The following GGH variants were observed in gnomAD, a reference collection of about 807,000 sequenced individuals.
GGH encodes the protein gamma-glutamyl hydrolase, also known as gamma-Glu-X carboxypeptidase.
Under a neutral mutation model 39.2 loss-of-function variants are expected in GGH, and 18 were observed. The ratio of observed to expected loss-of-function variants is 0.46; its 90% CI spans 0.32 to 0.68. The LOEUF is 0.68. Among genes scored for constraint, GGH ranks in the 30% least tolerant of loss-of-function variants. The pLI, the probability that GGH is intolerant of heterozygous loss-of-function variation, is 0.04. For missense variants in GGH, 367 were observed against 384.1 expected, an observed-to-expected ratio of 0.96 and a Z score of 0.37; for synonymous variants, 147 against 138.8, an observed-to-expected ratio of 1.06 and a Z score of -0.42.
rs765582208 is a variant in GGH at position 63,023,928 on chromosome 8, C to T, written c.676G>A (p.Glu226Lys). The T allele has an allele frequency of 5.7e-6, 9 of 1,581,206 alleles. No homozygotes were observed. Among genetic ancestry groups the T allele is most frequent in the Non-Finnish European group, 6.0e-6 (7 of 1,157,040 alleles). ...ATACCTTCCATTGTTGAAATAAACTCAATCTTGCCATCTGTATTTGTAGTT... is the reference window on the plus strand; with the variant it reads ...ATACCTTCCATTGTTGAAATAAACTTAATCTTGCCATCTGTATTTGTAGTT... The part of the protein sequence containing the change: ...VLTTNTDGKI[E>K]FISTMEGYKY... Residue 226 changes from glutamate to lysine, a missense_variant, in exon 7 of 9, where the codon GAG (glutamate) becomes AAG (lysine). Coordinates refer to ENST00000260118, the MANE Select transcript of GGH (RefSeq NM_003878.3).
chr8:63,032,377 T>A (rs914686421), intron 2 of GGH, among the ~76,000 whole-genome samples: 17 of 152,106 alleles, frequency 1.1e-4, no homozygotes, highest in Admixed American at 2.0e-4. Context: ...AACACGTTTT[T>A]AAACCAAAAG....
At chr8:63,036,203 A>G (rs766083353) in intron 1 of GGH, among the ~76,000 whole-genome samples, 2 of 152,172 alleles carry the variant, frequency 1.3e-5, no homozygotes, top group Non-Finnish European at 2.9e-5. Flanking sequence ...CAAGCTATCA[A>G]TATCTACCCT....
chr8:63,034,619 G>T (rs1402701722), intron 2 of GGH, among the ~76,000 whole-genome samples: 1 of 152,066 alleles, frequency 6.6e-6, no homozygotes, highest in African/African-American at 2.4e-5. Flanking sequence ...AATATGGGAA[G>T]AATTCAGTTC....
chr8:63,036,515 T>C (rs1294704284), intron 1 of GGH, among the ~76,000 whole-genome samples: 2 of 151,912 alleles, frequency 1.3e-5, no homozygotes, highest in Non-Finnish European at 2.9e-5. Context: ...AAAGGCATAA[T>C]ATATAGAGTG....
chr8:63,031,694 T>C (rs1197180199), intron 2 of GGH, among the ~76,000 whole-genome samples: 1 of 152,190 alleles, frequency 6.6e-6, no homozygotes, highest in Non-Finnish European at 1.5e-5. Context: ...CATTTATCTC[T>C]ATTAAGAGAC....
At chr8:63,026,128 T>C in intron 5 of GGH, 30 bp downstream of exon 5, 1 of 1,522,526 alleles carries the variant, frequency 6.6e-7, no homozygotes, top group Non-Finnish European at 8.8e-7. Context: ...CAGCAAATAT[T>C]TTTCAAAGGG....
At chr8:63,035,912 T>C in intron 1 of GGH, 142 bp from the exon 2 acceptor site, 1 of 765,468 alleles carries the variant, frequency 1.3e-6, no homozygotes. Context: ...AGTCCACCCA[T>C]AGCCTATGGG....
rs554723676 is a variant in GGH at position 63,026,116 on chromosome 8, C to A, written c.499+42G>T. ...TCATATTTGCTACTTACTAATCCTG[C>A]CCAGCAAATATTTTTCAAAGGGTTG... On this transcript the variant is annotated intron_variant, in intron 5 of 8. Transcript: ENST00000260118. The A allele has an allele frequency of 1.7e-5, 26 of 1,490,850 alleles. No homozygotes were observed. The South Asian group carries it at 3.1e-4, about 18-fold the overall frequency. The allele number at this position is 1,490,850 out of a possible 1,614,324, so 92.4% of individuals were successfully genotyped here.
chr8:63,028,728 G>GA (rs2129664582), intron 3 of GGH, among the ~76,000 whole-genome samples: 2 of 152,284 alleles, frequency 1.3e-5, no homozygotes, highest in African/African-American at 4.8e-5. Context: ...GAGGAAGATA[G>GA]AAAATGGACT....
At chr8:63,031,860 T>C (rs1804812236) in intron 2 of GGH, among the ~76,000 whole-genome samples, 1 of 152,158 alleles carries the variant, frequency 6.6e-6, no homozygotes, top group Admixed American at 6.5e-5. Flanking sequence ...TCTCCTTAAC[T>C]GTAACGAAAT....
chr8:63,037,121 C>CA (rs1290512297), intron 1 of GGH, among the ~76,000 whole-genome samples: 1 of 152,198 alleles, frequency 6.6e-6, no homozygotes, highest in African/African-American at 2.4e-5. Flanking sequence ...CTGTATTACT[C>CA]ACTTTTGTAT....
In GGH at chr8:63,026,339, T is replaced by C. The variant is rs769335318; in HGVS notation, c.361-43A>G. The C allele has an allele frequency of 3.9e-6, 6 of 1,520,676 alleles. No individual in the cohort carries two copies. In the African/African-American group the frequency reaches 5.6e-5, roughly 14 times the overall value. The allele number at this position is 1,520,676 out of a possible 1,614,324, so 94.2% of individuals were successfully genotyped here. On this transcript the variant is annotated intron_variant, in intron 4 of 8. Transcript: ENST00000260118. ...GAGAAAACTAAGTTTATTCAAACTT[T>C]TCAAAATAAAAATTAGCCATATCTT...
intron 8 of GGH, among the ~76,000 whole-genome samples, chr8:63,016,699 C>T (rs145183457): frequency 6.6e-6 from 1 of 152,308 alleles, no homozygotes; most frequent in East Asian, 1.9e-4. Flanking sequence ...GGACCTGCTA[C>T]ACACAGTTCT....
intron 7 of GGH, among the ~76,000 whole-genome samples, chr8:63,021,348 A>T (rs544059834): frequency 2.6e-4 from 39 of 152,320 alleles, no homozygotes; most frequent in South Asian, 2.1e-3. Context: ...ATCTACATGA[A>T]ATTATTTCAT....
At chr8:63,017,829 G>C (rs1381773635) in intron 7 of GGH, 199 bp from the exon 8 acceptor site, 2 of 467,916 alleles carry the variant, frequency 4.3e-6, no homozygotes, top group African/African-American at 4.1e-5. Flanking sequence ...TCACTGATTA[G>C]CAACCTTTTA....
chr8:63,017,994 C>T (rs1162745228), intron 7 of GGH: 1 of 174,952 alleles, frequency 5.7e-6, no homozygotes, highest in Non-Finnish European at 1.2e-5. Context: ...AGCATGCTTT[C>T]CTGTCCTCCC....
chr8:63,038,664 G>C lies in GGH; in HGVS notation c.105C>G (p.Ile35Met). The change falls in exon 1 of 9, where the codon ATC (isoleucine) becomes ATG (methionine). Residue 35 changes from isoleucine to methionine, a missense_variant. Physicochemically the swap from Ile to Met is conservative, Grantham distance 10. Transcript: ENST00000260118. Reference protein sequence around the residue: ...RPHGDTAKKPIIGILMQKCRN... With the variant: ...RPHGDTAKKPMIGILMQKCRN... ...GGCCCCGCACAGCCTCCTTACCGAT[G>C]ATGGGCTTCTTGGCGGTGTCGCCGT... 1 of 1,522,136 alleles carries C rather than the reference G, an allele frequency of 6.6e-7. No individual in the cohort carries two copies. The highest frequency in any genetic ancestry group is 8.9e-7 in the Non-Finnish European group (1 of 1,122,594). 94.3% of individuals were successfully genotyped at this position (1,522,136 alleles called of 1,614,324 possible).
intron 3 of GGH, among the ~76,000 whole-genome samples, chr8:63,028,872 A>T (rs1289197704): frequency 3.9e-5 from 6 of 152,180 alleles, no homozygotes; most frequent in African/African-American, 7.2e-5. Context: ...GAGGGTGGGA[A>T]GAAAATGAAG....
rs945897674 is a variant in GGH at position 63,019,445 on chromosome 8, A to C, written c.698-1815T>G. Among the ~76,000 whole-genome samples the C allele has an allele frequency of 7.2e-5, 11 of 152,330 alleles. No individual in the cohort carries two copies. The South Asian group carries it at 2.1e-3, about 29-fold the overall frequency. On this transcript the variant is annotated intron_variant, in intron 7 of 8. Coordinates refer to ENST00000260118, the MANE Select transcript of GGH (RefSeq NM_003878.3). ...TCAATGGACATTTTTAACAGGTGGG[A>C]TCAAGATCCTAGAGCATTACTTTGA...
Sources: gnomAD v4.1 joint callset for allele counts (sites outside exome capture counted in the v4.1 genomes callset) on GRCh38, gnomAD v4.1.1 for gene constraint, MANE v1.5 for transcripts, NCBI Gene and HGNC (gene_info 2026-07-23, HGNC 2026-07-21) for gene names.